The following ERBB4 variants were observed in gnomAD, a reference collection of about 807,000 sequenced individuals.
ERBB4 encodes the protein receptor tyrosine-protein kinase erbB-4.
A neutral mutation model predicts 158.0 loss-of-function variants in ERBB4; 42 were observed. The ratio of observed to expected loss-of-function variants is 0.27; its 90% CI spans 0.21 to 0.34. The LOEUF is 0.34. Among genes scored for constraint, ERBB4 ranks in the 10% least tolerant of loss-of-function variants. ERBB4 has a pLI of 1.00. For synonymous variants in ERBB4, 583 were observed against 558.7 expected (o/e 1.04, Z -0.61); for missense variants, 1,333 against 1,624.1 (o/e 0.82, Z 3.08).
chr2:211,677,528 A>C (rs1574968838), intron 13 of ERBB4, among the ~76,000 whole-genome samples: 1 of 148,852 alleles, frequency 6.7e-6, no homozygotes, highest in Admixed American at 6.8e-5. Flanking sequence ...AGGCCATTGC[A>C]CTCCAGCCTG....
chr2:212,009,070 AACAGAAATTTTAGTTATATGTTTAT>A (rs2076322083), intron 2 of ERBB4, among the ~76,000 whole-genome samples: 1 of 62,262 alleles, frequency 1.6e-5, no homozygotes, highest in African/African-American at 4.2e-5. Context: ...TGTTTTTCTA[AACAGAAATTTTAGTTATATGTTTAT>A]CAAAATAAAA....
chr2:211,552,101 G>A (rs1407270520), intron 20 of ERBB4, among the ~76,000 whole-genome samples: 10 of 151,964 alleles, frequency 6.6e-5, no homozygotes, highest in Admixed American at 5.2e-4. Context: ...GTAAAGAAAA[G>A]TAAAGCGCAC....
At chr2:212,471,919 C>T (rs1689135685) in intron 1 of ERBB4, among the ~76,000 whole-genome samples, 1 of 151,834 alleles carries the variant, frequency 6.6e-6, no homozygotes, top group Non-Finnish European at 1.5e-5. Context: ...TGTTGTTTGT[C>T]ACCTCCTCTG....
At chr2:212,060,657 G>T (rs1406976619) in intron 2 of ERBB4, among the ~76,000 whole-genome samples, 1 of 147,450 alleles carries the variant, frequency 6.8e-6, no homozygotes, top group Admixed American at 7.1e-5. Context: ...CGTGTCCTTT[G>T]TAGGGACATG....
chr2:211,691,503 C>T (rs376752707), intron 12 of ERBB4, among the ~76,000 whole-genome samples: 84 of 151,376 alleles, frequency 5.5e-4, no homozygotes, highest in African/African-American at 1.9e-3. Context: ...ATTTTGTTAC[C>T]TCATGGAGTT....
At chr2:212,463,277 G>A (rs1488857137) in intron 1 of ERBB4, among the ~76,000 whole-genome samples, 1 of 151,986 alleles carries the variant, frequency 6.6e-6, no homozygotes, top group African/African-American at 2.4e-5. Flanking sequence ...GCAAAGAAAG[G>A]GTAAATGTTT....
chr2:211,829,661 A>T (rs2077177675), intron 3 of ERBB4, among the ~76,000 whole-genome samples: 1 of 152,070 alleles, frequency 6.6e-6, no homozygotes, highest in African/African-American at 2.4e-5. Context: ...ATATTGCATT[A>T]AAAAAATGAA....
intron 2 of ERBB4, among the ~76,000 whole-genome samples, chr2:212,115,607 A>G (rs1428064860): frequency 6.6e-6 from 1 of 152,200 alleles, no homozygotes; most frequent in African/African-American, 2.4e-5. Context: ...TTCCCTGAGC[A>G]AAGTATATCA....
Position 212,217,934 on chromosome 2 carries a change from C to A in ERBB4, c.83-93031G>T, listed in dbSNP as rs148316476. Among the ~76,000 whole-genome samples, 1,177 of 151,308 alleles carry A rather than the reference C, an allele frequency of 7.8e-3. 18 individuals are homozygous for A. The highest frequency in any genetic ancestry group is 0.027 in the African/African-American group (1,112 of 41,434). ...CTTCTGGTGCACTTAAATCTTAAGA[C>A]AGAATGTTGAATCAGCACATATCAT... On this transcript the variant is annotated intron_variant, in intron 1 of 27. Transcript: ENST00000342788.
intron 1 of ERBB4, among the ~76,000 whole-genome samples, chr2:212,401,614 T>A (rs1164664403): frequency 6.6e-6 from 1 of 152,194 alleles, no homozygotes; most frequent in Non-Finnish European, 1.5e-5. Flanking sequence ...TTATGAAGTA[T>A]TTATAATAAT....
chr2:211,722,530 C>T lies in ERBB4; in HGVS notation c.746G>A (p.Cys249Tyr), dbSNP rs2106122753. Residue 249 changes from cysteine to tyrosine, a missense_variant, in exon 7 of 28, where the codon TGC (cysteine) becomes TAC (tyrosine). Physicochemically the swap from Cys to Tyr is radical, Grantham distance 194. Around this residue, in one of 5 missense-constraint regions of ERBB4, gnomAD observed 438 missense variants for 586.9 expected, o/e 0.75. Transcript: ENST00000342788. ...TGCTCCACTGTCATTGAAATTCATG[C>T]AGGCCTGCAACACAGCAAATATTAC... ...SGPKDTDCFA[C>Y]MNFNDSGACV... 6.2e-7 allele frequency: 1 copy of T among 1,613,922 alleles called. No individual in the cohort carries two copies. Among genetic ancestry groups the T allele is most frequent in the Non-Finnish European group, 8.5e-7 (1 of 1,179,826 alleles).
chr2:212,360,225 T>TA (rs1220390963), intron 1 of ERBB4, among the ~76,000 whole-genome samples: 5 of 151,680 alleles, frequency 3.3e-5, no homozygotes, highest in African/African-American at 7.3e-5. Context: ...CAGAGAATCT[T>TA]AGAGGTTTCC....
chr2:211,437,033 A>G (rs2063869937), intron 20 of ERBB4, among the ~76,000 whole-genome samples: 1 of 152,186 alleles, frequency 6.6e-6, no homozygotes, highest in South Asian at 2.1e-4. Context: ...GATAACTGCC[A>G]CTTATTACAC....
At chr2:212,233,042 G>C (rs1288280360) in intron 1 of ERBB4, among the ~76,000 whole-genome samples, 1 of 152,146 alleles carries the variant, frequency 6.6e-6, no homozygotes, top group East Asian at 1.9e-4. Flanking sequence ...TATTATAAGA[G>C]ATCAGAAGAA....
chr2:212,024,738 GAA>G (rs2076735030), intron 2 of ERBB4, among the ~76,000 whole-genome samples: 2 of 151,770 alleles, frequency 1.3e-5, no homozygotes, highest in South Asian at 4.1e-4. Context: ...ACATAAAAAG[GAA>G]AAGAGTCAAG....
At chr2:211,733,450 A>ACTGTCCTCCAGCCTGGG (rs1211922295) in intron 5 of ERBB4, among the ~76,000 whole-genome samples, 1 of 147,550 alleles carries the variant, frequency 6.8e-6, no homozygotes, top group African/African-American at 2.7e-5. Context: ...GCGTAAGAAT[A>ACTGTCCTCCAGCCTGGG]CCATAGTATT....
chr2:211,873,092 C>A (rs1339106413), intron 3 of ERBB4, among the ~76,000 whole-genome samples: 1 of 149,114 alleles, frequency 6.7e-6, no homozygotes, highest in African/African-American at 2.5e-5. Flanking sequence ...GAGAATGATT[C>A]GGTCCAGGAA....
At chr2:211,795,238 T>C (rs1392001926) in intron 3 of ERBB4, among the ~76,000 whole-genome samples, 1 of 151,808 alleles carries the variant, frequency 6.6e-6, no homozygotes, top group African/African-American at 2.4e-5. Context: ...TAATACTGAA[T>C]CTAGTTGACT....
intron 2 of ERBB4, among the ~76,000 whole-genome samples, chr2:212,015,902 CTAA>C (rs2076518179): frequency 6.6e-6 from 1 of 152,242 alleles, no homozygotes; most frequent in South Asian, 2.1e-4. Context: ...ATTCCACACT[CTAA>C]TGAGAGCACA....
Sources: allele counts gnomAD v4.1 joint callset (sites outside exome capture counted in the v4.1 genomes callset), GRCh38; gene constraint gnomAD v4.1.1; regional missense constraint gnomAD v4.1.1; transcripts MANE v1.5; gene names NCBI Gene and HGNC (gene_info 2026-07-23, HGNC 2026-07-21).